RSU1: variants seen among roughly 807,000 people sequenced by gnomAD.
The protein encoded by RSU1 is Ras suppressor protein 1, also known as rsu-1.
In RSU1, 26 loss-of-function variants were observed where a neutral mutation model predicts 31.1. The ratio of observed to expected loss-of-function variants is 0.84; its 90% CI spans 0.61 to 1.16. The LOEUF (loss-of-function observed/expected upper bound fraction) is 1.16. RSU1 is among the 50% of genes most tolerant of loss of function. RSU1 has a pLI of 0.00. For missense variants in RSU1, 320 were observed against 339.1 expected (o/e 0.94, Z 0.44); for synonymous variants, 164 against 136.3 (o/e 1.20, Z -1.41).
intron 8 of RSU1, among the ~76,000 whole-genome samples, chr10:16,682,602 G>A (rs964600951): frequency 1.6e-4 from 24 of 148,582 alleles, no homozygotes; most frequent in East Asian, 2.0e-4. Flanking sequence ...GTGGACATGC[G>A]TTCCTCCTCT....
Position 16,817,360 on chromosome 10 carries a change from C to T in RSU1, c.-49G>A. The stretch of plus-strand genomic sequence containing the variant: ...ACGATGGGCGTGCAACCACAAGCTT[C>T]GGCAGAACGCACTCCAGCTGCCCTC... On this transcript the variant is annotated 5_prime_UTR_variant, in exon 1 of 9. Coordinates refer to ENST00000345264, the MANE Select transcript of RSU1 (RefSeq NM_012425.4). The T allele has an allele frequency of 2.5e-6, 1 of 407,040 alleles. No homozygotes were observed. 25.2% of individuals were successfully genotyped at this position (407,040 alleles called of 1,614,324 possible). A position where few individuals can be genotyped will look rare whatever the true frequency, so the allele number is the denominator to read the frequency against.
intron 8 of RSU1, among the ~76,000 whole-genome samples, chr10:16,671,716 C>T (rs1835108742): frequency 6.6e-6 from 1 of 151,984 alleles, no homozygotes. Flanking sequence ...ACCTCCACCT[C>T]CCAGGTTCAA....
chr10:16,637,775 C>A lies in RSU1; in HGVS notation c.732-44279G>T, dbSNP rs190901463. 6.0e-4 allele frequency among the ~76,000 whole-genome samples: 91 copies of A among 151,460 alleles called. 2 individuals carry two copies. Among genetic ancestry groups the A allele is most frequent in the Non-Finnish European group, 8.4e-4 (57 of 67,940 alleles). ...GCCACTTAAAATGAGAACTCAAGAC[C>A]AAGCGCTGACTAACGGCAATTTTCT... is the stretch of plus-strand genomic sequence containing the variant. On this transcript the variant is annotated intron_variant, in intron 8 of 8. Transcript: ENST00000345264.
chr10:16,642,203 T>G (rs1834454071), intron 8 of RSU1, among the ~76,000 whole-genome samples: 1 of 151,310 alleles, frequency 6.6e-6, no homozygotes, highest in South Asian at 2.1e-4. Context: ...ATAACGTTAC[T>G]GAAAAAAACA....
At chr10:16,814,474 A>T (rs1453451602) in intron 2 of RSU1, among the ~76,000 whole-genome samples, 1 of 151,812 alleles carries the variant, frequency 6.6e-6, no homozygotes, top group Non-Finnish European at 1.5e-5. Flanking sequence ...AAAAAGAAAA[A>T]AAAATTCTTA....
chr10:16,722,830 CCA>C lies in RSU1; in HGVS notation c.599-27677_599-27676del, dbSNP rs143369636. Reference sequence around the variant, plus strand: ...TATACACATATATACATGTATACAGCCACATATATGTATATATACACACATAT... The same window carrying C: ...TATACACATATATACATGTATACAGCCATATATGTATATATACACACATAT... On this transcript the variant is annotated intron_variant, in intron 7 of 8. Coordinates refer to ENST00000345264, the MANE Select transcript of RSU1 (RefSeq NM_012425.4). 7.3e-4 allele frequency among the ~76,000 whole-genome samples: 97 copies of C among 133,124 alleles called. No individual in the cohort carries two copies. The South Asian group carries it at 0.021, about 29-fold the overall frequency. The allele number at this position is 133,124 out of a possible 152,430, so 87.3% of individuals were successfully genotyped here. A position where few individuals can be genotyped will look rare whatever the true frequency, so the allele number is the denominator to read the frequency against.
chr10:16,645,706 C>G (rs925686439), intron 8 of RSU1, among the ~76,000 whole-genome samples: 1 of 151,118 alleles, frequency 6.6e-6, no homozygotes, highest in Non-Finnish European at 1.5e-5. Flanking sequence ...ACTTGGGAGG[C>G]TGAGGCAGGA....
intron 8 of RSU1, among the ~76,000 whole-genome samples, chr10:16,651,557 A>G (rs1834684154): frequency 6.6e-6 from 1 of 152,236 alleles, no homozygotes; most frequent in African/African-American, 2.4e-5. Context: ...TTTACAGCAA[A>G]TAGTGACAGT....
intron 8 of RSU1, among the ~76,000 whole-genome samples, chr10:16,680,234 T>A (rs922298154): frequency 6.6e-6 from 1 of 151,814 alleles, no homozygotes; most frequent in Middle Eastern, 3.2e-3. Context: ...TAACGGGGTA[T>A]CAAAAACAGT....
At chr10:16,722,653 A>T (rs1358544203) in intron 7 of RSU1, among the ~76,000 whole-genome samples, 1 of 152,144 alleles carries the variant, frequency 6.6e-6, no homozygotes, top group South Asian at 2.1e-4. Flanking sequence ...ATGGGTCTAC[A>T]TAGCATTTAC....
chr10:16,699,361 G>A (rs561141496), intron 7 of RSU1, among the ~76,000 whole-genome samples: 2 of 152,358 alleles, frequency 1.3e-5, no homozygotes, highest in South Asian at 4.1e-4. Context: ...AATTTCAGAA[G>A]AGGGTTAATA....
intron 8 of RSU1, among the ~76,000 whole-genome samples, chr10:16,671,475 G>C (rs532437254): frequency 1.1e-4 from 17 of 152,220 alleles, no homozygotes; most frequent in African/African-American, 4.1e-4. Flanking sequence ...TTGAGGCAGG[G>C]TCTTGTTCTG....
intron 8 of RSU1, among the ~76,000 whole-genome samples, chr10:16,632,368 C>T (rs923346695): frequency 1.3e-5 from 2 of 152,182 alleles, no homozygotes; most frequent in Middle Eastern, 3.4e-3. Flanking sequence ...ATTGGGACTC[C>T]GTGCTGTCTT....
At chr10:16,675,651 G>T (rs919938961) in intron 8 of RSU1, among the ~76,000 whole-genome samples, 2 of 152,134 alleles carry the variant, frequency 1.3e-5, no homozygotes, top group African/African-American at 4.8e-5. Flanking sequence ...CTTGGCAAAG[G>T]GGGACTGGAT....
intron 2 of RSU1, among the ~76,000 whole-genome samples, chr10:16,784,016 T>G (rs1042946693): frequency 6.6e-6 from 1 of 152,220 alleles, no homozygotes; most frequent in Non-Finnish European, 1.5e-5. Context: ...TCTCTTTCCT[T>G]GACTTTCGTG....
At chr10:16,671,403 G>T (rs1200487605) in intron 8 of RSU1, among the ~76,000 whole-genome samples, 7 of 152,174 alleles carry the variant, frequency 4.6e-5, no homozygotes, top group Admixed American at 6.5e-5. Context: ...ACATTCTCCT[G>T]ATAGGGACCT....
chr10:16,733,966 C>T (rs1836574387), intron 7 of RSU1, among the ~76,000 whole-genome samples: 1 of 152,232 alleles, frequency 6.6e-6, no homozygotes, highest in Non-Finnish European at 1.5e-5. Flanking sequence ...AACAATGAAC[C>T]TTTAACACTA....
Position 16,760,209 on chromosome 10 carries a change from T to C in RSU1, c.281+4181A>G, listed in dbSNP as rs549663447. ...CAAGAAGGCAACTAACATGCATTCA[T>C]TGAAAAGGAAAAGTTTAGGGCCGGG... On this transcript the variant is annotated intron_variant, in intron 4 of 8. Coordinates refer to ENST00000345264, the MANE Select transcript of RSU1 (RefSeq NM_012425.4). Among the ~76,000 whole-genome samples, 63 of 152,222 alleles carry C rather than the reference T, an allele frequency of 4.1e-4. No homozygotes were observed. In the East Asian group the frequency reaches 0.011, roughly 28 times the overall value.
intron 8 of RSU1, among the ~76,000 whole-genome samples, chr10:16,686,240 C>G (rs1588714686): frequency 6.6e-6 from 1 of 152,148 alleles, no homozygotes; most frequent in East Asian, 1.9e-4. Context: ...TTAGAAACCA[C>G]AAACAGTTTT....
Sources: allele counts gnomAD v4.1 joint callset (sites outside exome capture counted in the v4.1 genomes callset), GRCh38; gene constraint gnomAD v4.1.1; transcripts MANE v1.5; gene names NCBI Gene and HGNC (gene_info 2026-07-23, HGNC 2026-07-21).